The following ZNF148 variants were observed in gnomAD, a reference collection of about 807,000 sequenced individuals.
ZNF148 encodes the protein zinc finger protein 148.
A neutral mutation model predicts 67.7 loss-of-function variants in ZNF148; 7 were observed. The ratio of observed to expected loss-of-function variants is 0.10; its 90% CI spans 0.06 to 0.19. The LOEUF (loss-of-function observed/expected upper bound fraction) is 0.19. Among genes scored for constraint, ZNF148 ranks in the 10% least tolerant of loss-of-function variants. ZNF148 has a pLI of 1.00. For missense variants in ZNF148, 583 were observed against 947.1 expected (o/e 0.62, Z 5.05); for synonymous variants, 333 against 330.7 (o/e 1.01, Z -0.08).
At chr3:125,341,299 C>A (rs1478548682) in intron 1 of ZNF148, among the ~76,000 whole-genome samples, 1 of 149,084 alleles carries the variant, frequency 6.7e-6, no homozygotes, top group African/African-American at 2.5e-5. Context: ...TCTTCAGATA[C>A]CTACTACAGA....
At chr3:125,366,130 ATTTCTGCTAACATAC>A (rs1223585919) in intron 1 of ZNF148, among the ~76,000 whole-genome samples, 1 of 152,168 alleles carries the variant, frequency 6.6e-6, no homozygotes, top group Non-Finnish European at 1.5e-5. Flanking sequence ...TACACTAATG[ATTTCTGCTAACATAC>A]TTTAATCATA....
chr3:125,235,694 C>T (rs960720349), intron 7 of ZNF148, among the ~76,000 whole-genome samples: 6 of 151,948 alleles, frequency 3.9e-5, no homozygotes, highest in Non-Finnish European at 7.4e-5. Context: ...AGACTTGGAA[C>T]CAACCCAAAT....
At chr3:125,305,263 T>C (rs1039579545) in intron 4 of ZNF148, among the ~76,000 whole-genome samples, 5 of 152,148 alleles carry the variant, frequency 3.3e-5, no homozygotes, top group Admixed American at 2.6e-4. Flanking sequence ...CAAAGATGCT[T>C]AACTTAAATA....
At chr3:125,365,023 C>T (rs1458704771) in intron 1 of ZNF148, among the ~76,000 whole-genome samples, 17 of 152,164 alleles carry the variant, frequency 1.1e-4, no homozygotes, top group Admixed American at 1.1e-3. Context: ...CTTATTTATC[C>T]TTCAAGGTCT....
chr3:125,354,705 T>G (rs1369329049), intron 1 of ZNF148, among the ~76,000 whole-genome samples: 1 of 152,228 alleles, frequency 6.6e-6, no homozygotes, highest in African/African-American at 2.4e-5. Context: ...CATTCAAAAT[T>G]TTGCCTAAGC....
chr3:125,337,944 A>C (rs1307551993), intron 1 of ZNF148, among the ~76,000 whole-genome samples: 2 of 152,048 alleles, frequency 1.3e-5, no homozygotes, highest in Non-Finnish European at 2.9e-5. Flanking sequence ...TCTACAAAAA[A>C]AAAAAATTTT....
chr3:125,351,468 G>A (rs146338463), intron 1 of ZNF148, among the ~76,000 whole-genome samples: 7 of 149,446 alleles, frequency 4.7e-5, no homozygotes, highest in African/African-American at 1.7e-4. Flanking sequence ...CTAGAGATCT[G>A]CTGTACAACA....
chr3:125,264,974 T>C (rs992374561), intron 7 of ZNF148, among the ~76,000 whole-genome samples: 6 of 152,352 alleles, frequency 3.9e-5, no homozygotes, highest in South Asian at 2.1e-4. Flanking sequence ...CAGGCTGTTA[T>C]AGAGTAAGTA....
At chr3:125,365,885 C>G (rs1018578717) in intron 1 of ZNF148, among the ~76,000 whole-genome samples, 10 of 152,186 alleles carry the variant, frequency 6.6e-5, no homozygotes, top group African/African-American at 2.2e-4. Context: ...TTCCCTACCT[C>G]CAACTGCATT....
chr3:125,268,804 A>C (rs1165375038), intron 7 of ZNF148, among the ~76,000 whole-genome samples: 1 of 151,996 alleles, frequency 6.6e-6, no homozygotes, highest in Non-Finnish European at 1.5e-5. Flanking sequence ...ACATGGCAAG[A>C]CCTGATCTCT....
intron 1 of ZNF148, among the ~76,000 whole-genome samples, chr3:125,371,902 A>C (rs1425093897): frequency 6.6e-6 from 1 of 151,596 alleles, no homozygotes; most frequent in Non-Finnish European, 1.5e-5. Context: ...GTCTCTACTA[A>C]AAATACAGAA....
intron 4 of ZNF148, among the ~76,000 whole-genome samples, chr3:125,304,829 A>G (rs1185907239): frequency 6.6e-6 from 1 of 152,170 alleles, no homozygotes; most frequent in Non-Finnish European, 1.5e-5. Flanking sequence ...GCTTCTAAAT[A>G]CCATTCTCCA....
chr3:125,259,631 G>A lies in ZNF148; in HGVS notation c.667+18095C>T, dbSNP rs113011624. On this transcript the variant is annotated intron_variant, in intron 7 of 8. Coordinates refer to ENST00000360647, the MANE Select transcript of ZNF148 (RefSeq NM_021964.3). ...CCTATTAAGTGTAAAATAGCATTAC[G>A]TCTAAAAAAAACCAATGTACATTAT... is the stretch of plus-strand genomic sequence containing the variant. Among the ~76,000 whole-genome samples, 70 of 152,108 alleles carry A rather than the reference G, an allele frequency of 4.6e-4. 1 individual carries two copies. The highest frequency in any genetic ancestry group is 1.6e-3 in the African/African-American group (66 of 41,484).
chr3:125,271,091 G>A (rs1016371220), intron 7 of ZNF148, among the ~76,000 whole-genome samples: 1 of 152,096 alleles, frequency 6.6e-6, no homozygotes, highest in Non-Finnish European at 1.5e-5. Context: ...ATAATTAACA[G>A]TAACTTATTT....
In ZNF148 at chr3:125,246,138, G is replaced by T. The variant is rs142969137; in HGVS notation, c.668-11809C>A. ...GTAAAGCACTTAATACTCAAAAAAT[G>T]GTATCCACTGTTGTATTAATCAGAA... On this transcript the variant is annotated intron_variant, in intron 7 of 8. Coordinates refer to ENST00000360647, the MANE Select transcript of ZNF148 (RefSeq NM_021964.3). Among the ~76,000 whole-genome samples the T allele has an allele frequency of 1.9e-3, 287 of 152,028 alleles. 3 individuals are homozygous for T. The highest frequency in any genetic ancestry group is 6.2e-3 in the African/African-American group (257 of 41,446).
intron 7 of ZNF148, among the ~76,000 whole-genome samples, chr3:125,263,636 C>A (rs1158775975): frequency 1.3e-5 from 2 of 151,930 alleles, no homozygotes; most frequent in East Asian, 1.9e-4. Context: ...CCTGAGTGAT[C>A]GGGGTGATAA....
intron 1 of ZNF148, among the ~76,000 whole-genome samples, chr3:125,352,170 G>T (rs960744552): frequency 1.3e-5 from 2 of 148,498 alleles, no homozygotes; most frequent in African/African-American, 4.9e-5. Flanking sequence ...ACTGATGAAT[G>T]AATACAAAAA....
At chr3:125,345,569 C>A (rs762968659) in intron 1 of ZNF148, among the ~76,000 whole-genome samples, 3 of 127,744 alleles carry the variant, frequency 2.3e-5, no homozygotes, top group Non-Finnish European at 4.9e-5. Flanking sequence ...ATTTGTAAGC[C>A]TCTATCAAAA....
chr3:125,265,847 T>C (rs1371913804), intron 7 of ZNF148, among the ~76,000 whole-genome samples: 1 of 152,214 alleles, frequency 6.6e-6, no homozygotes, highest in African/African-American at 2.4e-5. Flanking sequence ...TCATTTTGTT[T>C]TTTTAATTAA....
Sources: allele counts gnomAD v4.1 joint callset (sites outside exome capture counted in the v4.1 genomes callset), GRCh38; gene constraint gnomAD v4.1.1; transcripts MANE v1.5; gene names NCBI Gene and HGNC (gene_info 2026-07-23, HGNC 2026-07-21).